The following TRAPPC3 variants were observed in gnomAD, a reference collection of about 807,000 sequenced individuals.
TRAPPC3 encodes the protein trafficking protein particle complex 3.
In TRAPPC3, 5 loss-of-function variants were observed where a neutral mutation model predicts 18.2. The observed-to-expected ratio is 0.28, with a 90% CI of 0.14 to 0.58. The LOEUF (loss-of-function observed/expected upper bound fraction) is 0.58. TRAPPC3 is among the 20% of genes least tolerant of loss of function. The pLI, the probability that TRAPPC3 is intolerant of heterozygous loss-of-function variation, is 0.91. For missense variants in TRAPPC3, 176 were observed against 225.9 expected, an observed-to-expected ratio of 0.78 and a Z score of 1.41; for synonymous variants, 65 against 84.2, an observed-to-expected ratio of 0.77 and a Z score of 1.25.
At position 36,140,163 on chromosome 1, in the gene TRAPPC3, A is replaced by G; in HGVS notation, c.46T>C (p.Ser16Pro). 6.3e-7 allele frequency: 1 copy of G among 1,577,032 alleles called. No homozygotes were observed. Among genetic ancestry groups the G allele is most frequent in the Non-Finnish European group, 8.6e-7 (1 of 1,167,520 alleles). ...CCATAGGTCAGGGTGAAGAGCTCAGAGCTCTAAAAGAGATTCAAAAGGCAG... is the reference window on the plus strand; with the variant it reads ...CCATAGGTCAGGGTGAAGAGCTCAGGGCTCTAAAAGAGATTCAAAAGGCAG... ...NRGTESKKMS[S>P]ELFTLTYGAL... The change falls in exon 2 of 5, where the codon TCT becomes CCT. Residue 16 changes from serine to proline, a missense_variant. Coordinates refer to ENST00000373166, the MANE Select transcript of TRAPPC3 (RefSeq NM_014408.5).
chr1:36,155,663 A>G (rs187471023), intron 1 of TRAPPC3: 1 of 152,620 alleles, frequency 6.6e-6, no homozygotes, highest in East Asian at 1.9e-4. Flanking sequence ...AGAGAAAGCG[A>G]AACCCTTTCA....
upstream of TRAPPC3, chr1:36,149,660 T>G (rs1250958091): frequency 5.8e-5 from 32 of 548,850 alleles, no homozygotes; most frequent in Non-Finnish European, 9.5e-5. Flanking sequence ...CGCGCCTGCC[T>G]GGTAGAGCCC....
chr1:36,138,203 G>A, intron 3 of TRAPPC3: 2 of 1,548,344 alleles, frequency 1.3e-6, no homozygotes, highest in Non-Finnish European at 1.7e-6. Context: ...GCTTTGTTTT[G>A]TTTTGTTTTC....
chr1:36,145,402 C>G lies in TRAPPC3; in HGVS notation c.42+3935G>C, dbSNP rs562970240. Among the ~76,000 whole-genome samples, 18 of 152,216 alleles carry G rather than the reference C, an allele frequency of 1.2e-4. No individual in the cohort carries two copies. In the South Asian group the frequency reaches 3.3e-3, roughly 28 times the overall value. ...TCAAAATAGGTAATCCAGTGTGAAT[C>G]CCCTCTAGCAGCTGGAGGAGGATCA... On this transcript the variant is annotated intron_variant, in intron 1 of 4. Coordinates refer to ENST00000373166, the MANE Select transcript of TRAPPC3 (RefSeq NM_014408.5).
At position 36,139,406 on chromosome 1, in the gene TRAPPC3, T is replaced by A. The variant is rs1223025512; in HGVS notation, c.240+314A>T. On this transcript the variant is annotated intron_variant, in intron 3 of 4. Transcript: ENST00000373166. ...CTCCTGATCTTGTGTTCCACCCGCC[T>A]GGGCCTCCCAAAGTGCTAGGATTAC... 1.7e-5 allele frequency: 4 copies of A among 231,182 alleles called. No homozygotes were observed. In the East Asian group the frequency reaches 4.4e-4, roughly 25 times the overall value. 14.3% of individuals were successfully genotyped at this position (231,182 alleles called of 1,614,324 possible).
intron 1 of TRAPPC3, chr1:36,149,050 T>C (rs1387337347): frequency 1.6e-5 from 21 of 1,283,920 alleles, no homozygotes; most frequent in Non-Finnish European, 2.1e-5. Context: ...GCCCAACACA[T>C]AGTAAGAGAG....
chr1:36,137,206 T>C lies in TRAPPC3; in HGVS notation c.540A>G (p.Glu180=). Residue 180 remains glutamate (E), a synonymous_variant, in exon 5 of 5, where the codon GAA becomes GAG. Transcript: ENST00000373166. ...TATCCTCGAGTTGTAGGGATGGTTA[T>C]TCCTCTCCAGCTGGAAGATTGTCCT... ...RIEDNLPAGE[E] is the part of the protein sequence containing the mutation. 6.2e-7 allele frequency: 1 copy of C among 1,609,134 alleles called. No individual in the cohort carries two copies. The highest frequency in any genetic ancestry group is 8.5e-7 in the Non-Finnish European group (1 of 1,175,772).
intron 1 of TRAPPC3, among the ~76,000 whole-genome samples, chr1:36,146,928 C>A (rs1644210737): frequency 6.6e-6 from 1 of 152,224 alleles, no homozygotes; most frequent in South Asian, 2.1e-4. Flanking sequence ...TCTGTTTGCA[C>A]AGACTAAAAT....
chr1:36,148,650 C>G (rs1644235097), intron 1 of TRAPPC3, among the ~76,000 whole-genome samples: 1 of 152,148 alleles, frequency 6.6e-6, no homozygotes, highest in African/African-American at 2.4e-5. Context: ...AGCCCCAGCC[C>G]CTAGTCCAAC....
chr1:36,142,991 C>T (rs775182029), intron 1 of TRAPPC3, among the ~76,000 whole-genome samples: 4 of 152,072 alleles, frequency 2.6e-5, no homozygotes, highest in Non-Finnish European at 5.9e-5. Flanking sequence ...GTAATTGTAC[C>T]ACTGTACTCC....
rs1644033555 is a variant in TRAPPC3 at position 36,136,931 on chromosome 1, T to C, written c.*272A>G. The C allele has an allele frequency of 1.1e-5, 3 of 279,460 alleles. No individual in the cohort carries two copies. The highest frequency in any genetic ancestry group is 2.0e-5 in the Non-Finnish European group (3 of 149,128). The allele number at this position is 279,460 out of a possible 1,614,324, so 17.3% of individuals were successfully genotyped here. On this transcript the variant is annotated 3_prime_UTR_variant, in exon 5 of 5. Transcript: ENST00000373166. ...GAAAAATTCAAACAGGAATGTAAAATGGTTTGAGCTCTTTCTAGTCCAACC... is the reference window on the plus strand; with the variant it reads ...GAAAAATTCAAACAGGAATGTAAAACGGTTTGAGCTCTTTCTAGTCCAACC...
rs1234655151 is a variant in TRAPPC3 at position 36,140,270 on chromosome 1, G to C, written c.43-104C>G. 6 of 676,036 alleles carry C rather than the reference G, an allele frequency of 8.9e-6. No homozygotes were observed. In the East Asian group the frequency reaches 1.5e-4, roughly 17 times the overall value. 41.9% of individuals were successfully genotyped at this position (676,036 alleles called of 1,614,324 possible). ...GCAACTGTCAGGATTCCCTCTAACT[G>C]TGTCTGGAGGGAAAGAACATCATCC... is the stretch of plus-strand genomic sequence containing the variant. On this transcript the variant is annotated intron_variant, in intron 1 of 4. Coordinates refer to ENST00000373166, the MANE Select transcript of TRAPPC3 (RefSeq NM_014408.5).
intron 1 of TRAPPC3, among the ~76,000 whole-genome samples, chr1:36,148,289 G>A (rs534824411): frequency 3.3e-5 from 5 of 151,494 alleles, no homozygotes; most frequent in Admixed American, 6.6e-5. Flanking sequence ...GTGAAACCCC[G>A]TCTCTACTAA....
upstream of TRAPPC3, among the ~76,000 whole-genome samples, chr1:36,151,014 CT>C (rs1644266847): frequency 2.0e-5 from 3 of 152,218 alleles, no homozygotes; most frequent in Admixed American, 2.0e-4. Context: ...ACCCTGCCTG[CT>C]GTCAAGCAGG....
At chr1:36,146,440 A>G (rs764374699) in intron 1 of TRAPPC3, among the ~76,000 whole-genome samples, 11 of 151,016 alleles carry the variant, frequency 7.3e-5, no homozygotes, top group Non-Finnish European at 1.6e-4. Context: ...GGGACTACAG[A>G]CGCCCGCCAC....
intron 1 of TRAPPC3, among the ~76,000 whole-genome samples, chr1:36,147,625 C>A (rs951843763): frequency 6.6e-6 from 1 of 152,096 alleles, no homozygotes; most frequent in Non-Finnish European, 1.5e-5. Flanking sequence ...CTGGGTATAT[C>A]ATTTAAAATT....
In TRAPPC3 at chr1:36,136,701, C is replaced by CA. The variant is rs1272981997; in HGVS notation, c.*501dup. 2.0e-5 allele frequency: 3 copies of CA among 152,732 alleles called. No individual in the cohort carries two copies. Among genetic ancestry groups the CA allele is most frequent in the African/African-American group, 7.2e-5 (3 of 41,452 alleles). 9.5% of individuals were successfully genotyped at this position (152,732 alleles called of 1,614,324 possible). A position where few individuals can be genotyped will look rare whatever the true frequency, so the allele number is the denominator to read the frequency against. On this transcript the variant is annotated 3_prime_UTR_variant, in exon 5 of 5. Transcript: ENST00000373166. Reference sequence around the variant, plus strand: ...GAGACCTGGGTGGCTTCCCAGAAGTCAGTGTTTCCGGCATGACTGGCTCCT... The same window carrying CA: ...GAGACCTGGGTGGCTTCCCAGAAGTCAAGTGTTTCCGGCATGACTGGCTCCT...
upstream of TRAPPC3, among the ~76,000 whole-genome samples, chr1:36,151,500 A>G (rs926647150): frequency 1.3e-5 from 2 of 152,206 alleles, no homozygotes; most frequent in African/African-American, 2.4e-5. Flanking sequence ...GCCCCCAGCT[A>G]CTAGGAAGGT....
chr1:36,141,770 T>A (rs1644111026), intron 1 of TRAPPC3, among the ~76,000 whole-genome samples: 1 of 151,828 alleles, frequency 6.6e-6, no homozygotes, highest in Non-Finnish European at 1.5e-5. Context: ...CCATCCTGGC[T>A]AACACGGTGA....
Sources: gnomAD v4.1 joint callset for allele counts (sites outside exome capture counted in the v4.1 genomes callset) on GRCh38, gnomAD v4.1.1 for gene constraint, MANE v1.5 for transcripts, NCBI Gene and HGNC (gene_info 2026-07-23, HGNC 2026-07-21) for gene names.